NARS2: variants seen among roughly 807,000 people sequenced by gnomAD.
NARS2 encodes the protein asparaginyl-tRNA synthetase 2, mitochondrial, also known as asparaginyl-tRNA synthetase.
Under a neutral mutation model 62.9 loss-of-function variants are expected in NARS2, and 60 were observed. That is an observed-to-expected ratio of 0.95 (90% confidence interval 0.77 to 1.18). NARS2 has a LOEUF of 1.18. Among genes scored for constraint, NARS2 ranks in the 50% most tolerant of loss-of-function variants. The pLI is 0.00. For synonymous variants in NARS2, 196 were observed against 200.0 expected, an observed-to-expected ratio of 0.98 and a Z score of 0.17; for missense variants, 619 against 576.4, an observed-to-expected ratio of 1.07 and a Z score of -0.76.
intron 2 of NARS2, among the ~76,000 whole-genome samples, chr11:78,570,065 C>A (rs1283690529): frequency 6.6e-6 from 1 of 152,092 alleles, no homozygotes; most frequent in South Asian, 2.1e-4. Context: ...TGTCGCACAC[C>A]TGTAATCCCA....
At chr11:78,440,998 T>C in intron 13 of NARS2, 93 bp downstream of exon 13, 1 of 1,136,052 alleles carries the variant, frequency 8.8e-7, no homozygotes, top group Non-Finnish European at 1.3e-6. Context: ...TTTAACACTC[T>C]TTCATGGGGT....
intron 6 of NARS2, among the ~76,000 whole-genome samples, chr11:78,503,075 T>C (rs1565242020): frequency 6.6e-6 from 1 of 151,484 alleles, no homozygotes; most frequent in Non-Finnish European, 1.5e-5. Context: ...TGCTACCCTA[T>C]AAGAGAGGTG....
intron 11 of NARS2, among the ~76,000 whole-genome samples, chr11:78,463,138 C>T (rs1420917139): frequency 6.6e-6 from 1 of 152,170 alleles, no homozygotes; most frequent in Admixed American, 6.5e-5. Context: ...CATTATGGCT[C>T]ACTGAAGCCT....
Position 78,574,508 on chromosome 11 carries a change from T to TCCGCGGGAGCAGCCCAGACCCC in NARS2, c.-42_-21dup. On this transcript the variant is annotated 5_prime_UTR_variant, in exon 1 of 14. Transcript: ENST00000281038. ...CAGCATCCCGCGTCCGCCCAGGCCC[T>TCCGCGGGAGCAGCCCAGACCCC]CCGCGGGAGCAGCCCAGACCCCACG... 6.3e-7 allele frequency: 1 copy of TCCGCGGGAGCAGCCCAGACCCC among 1,596,004 alleles called. No individual in the cohort carries two copies. Among genetic ancestry groups the TCCGCGGGAGCAGCCCAGACCCC allele is most frequent in the Non-Finnish European group, 8.5e-7 (1 of 1,172,340 alleles).
chr11:78,550,429 A>T (rs1343932834), intron 5 of NARS2, among the ~76,000 whole-genome samples: 1 of 152,228 alleles, frequency 6.6e-6, no homozygotes, highest in Non-Finnish European at 1.5e-5. Flanking sequence ...TCATCAGAAT[A>T]CATTCTATTT....
At chr11:78,542,816 T>C (rs1357116965) in intron 5 of NARS2, among the ~76,000 whole-genome samples, 4 of 152,158 alleles carry the variant, frequency 2.6e-5, no homozygotes, top group African/African-American at 4.8e-5. Context: ...GGTGGATCAC[T>C]TGAGCTCAGG....
At chr11:78,436,850 T>A (rs186265584) in intron 13 of NARS2, 36 bp from the exon 14 acceptor site, 2 of 1,593,216 alleles carry the variant, frequency 1.3e-6, no homozygotes, top group Non-Finnish European at 1.7e-6. Context: ...CATCTATATA[T>A]AGTATAAGAC....
At chr11:78,501,083 C>A (rs1338349588) in intron 6 of NARS2, among the ~76,000 whole-genome samples, 1 of 152,118 alleles carries the variant, frequency 6.6e-6, no homozygotes, top group Non-Finnish European at 1.5e-5. Context: ...CAGAGTGAGA[C>A]CCTGTCTCAA....
chr11:78,554,615 T>G (rs2135502366), intron 5 of NARS2, among the ~76,000 whole-genome samples: 1 of 152,226 alleles, frequency 6.6e-6, no homozygotes, highest in African/African-American at 2.4e-5. Context: ...TTTTGTATAC[T>G]GATTTTGTAT....
At chr11:78,491,141 T>C (rs1357037933) in intron 7 of NARS2, among the ~76,000 whole-genome samples, 1 of 152,212 alleles carries the variant, frequency 6.6e-6, no homozygotes, top group Non-Finnish European at 1.5e-5. Context: ...CAGTCCAGAA[T>C]ATGGTTGTTC....
At chr11:78,459,780 G>A (rs747676473) in intron 11 of NARS2, among the ~76,000 whole-genome samples, 2 of 146,506 alleles carry the variant, frequency 1.4e-5, no homozygotes, top group African/African-American at 2.7e-5. Context: ...AAGTCCTCAC[G>A]TCTTTTGACA....
At chr11:78,514,403 T>C (rs1860830242) in intron 6 of NARS2, among the ~76,000 whole-genome samples, 1 of 152,198 alleles carries the variant, frequency 6.6e-6, no homozygotes, top group Admixed American at 6.5e-5. Context: ...ATATCAGGCA[T>C]GACCCAATGT....
chr11:78,516,272 T>C (rs976616672), intron 6 of NARS2, among the ~76,000 whole-genome samples: 2 of 152,148 alleles, frequency 1.3e-5, no homozygotes, highest in Non-Finnish European at 2.9e-5. Flanking sequence ...CATAAAATGC[T>C]CTACAATAAT....
At chr11:78,468,037 T>C (rs1344759166) in intron 10 of NARS2, among the ~76,000 whole-genome samples, 1 of 140,394 alleles carries the variant, frequency 7.1e-6, no homozygotes, top group South Asian at 2.2e-4. Flanking sequence ...CAAGTAAGTA[T>C]TGAAAAAAAA....
At chr11:78,494,453 TAA>T (rs1020835519) in intron 6 of NARS2, among the ~76,000 whole-genome samples, 20 of 143,104 alleles carry the variant, frequency 1.4e-4, no homozygotes, top group African/African-American at 4.3e-4. Context: ...TGTATATATA[TAA>T]GTTTTTTCTT....
At chr11:78,463,586 T>G in intron 11 of NARS2, among the ~76,000 whole-genome samples, 1 of 151,942 alleles carries the variant, frequency 6.6e-6, no homozygotes. Flanking sequence ...CTTGGGAGGC[T>G]GAGGCAGGAA....
At chr11:78,566,376 A>G (rs1011104436) in intron 3 of NARS2, 104 bp from the exon 4 acceptor site, 18 of 868,604 alleles carry the variant, frequency 2.1e-5, no homozygotes, top group African/African-American at 3.4e-5. Context: ...CCAAACTAAG[A>G]TCCTTTCCTT....
At chr11:78,482,043 C>CACTA (rs1859376380) in intron 7 of NARS2, among the ~76,000 whole-genome samples, 1 of 152,076 alleles carries the variant, frequency 6.6e-6, no homozygotes, top group Non-Finnish European at 1.5e-5. Context: ...TGAAGATCAA[C>CACTA]ACTAAGACTC....
intron 6 of NARS2, among the ~76,000 whole-genome samples, chr11:78,505,681 A>G (rs1860466656): frequency 6.6e-6 from 1 of 152,226 alleles, no homozygotes; most frequent in African/African-American, 2.4e-5. Context: ...TGTGGAAAAT[A>G]CAGAGGTAAA....
Sources: allele counts gnomAD v4.1 joint callset (sites outside exome capture counted in the v4.1 genomes callset), GRCh38; gene constraint gnomAD v4.1.1; transcripts MANE v1.5; gene names NCBI Gene and HGNC (gene_info 2026-07-23, HGNC 2026-07-21).